Variants in MYO18B observed in about 807,000 individuals in gnomAD.
The protein encoded by MYO18B is unconventional myosin-XVIIIb.
A neutral mutation model predicts 273.0 loss-of-function variants in MYO18B; 204 were observed. The ratio of observed to expected loss-of-function variants is 0.75; its 90% CI spans 0.67 to 0.84. The LOEUF is 0.84. MYO18B is among the 40% of genes least tolerant of loss of function. The probability of loss-of-function intolerance (pLI) is 0.00; values close to 1 mark genes in which losing one functional copy is unlikely to be tolerated. For missense variants in MYO18B, 3,212 were observed against 3,287.6 expected (o/e 0.98, Z 0.56); for synonymous variants, 1,330 against 1,305.7 (o/e 1.02, Z -0.40).
chr22:25,799,988 C>T (rs1248087590), intron 12 of MYO18B, among the ~76,000 whole-genome samples: 3 of 150,800 alleles, frequency 2.0e-5, no homozygotes, highest in African/African-American at 7.3e-5. Context: ...TACACACACA[C>T]CATGGAATAC....
rs568936092 is a variant in MYO18B at position 25,829,066 on chromosome 22, C to T, written c.2979+98C>T. The T allele has an allele frequency of 2.3e-4, 305 of 1,335,070 alleles. 2 individuals are homozygous for T. The African/African-American group carries it at 4.2e-3, about 18-fold the overall frequency. 82.7% of individuals were successfully genotyped at this position (1,335,070 alleles called of 1,614,324 possible). ...ATTCCCATTCCCCAGGAGCCTGCAGCTTCACCCTGTTTGGTTCACCAGAGA... is the reference window on the plus strand; with the variant it reads ...ATTCCCATTCCCCAGGAGCCTGCAGTTTCACCCTGTTTGGTTCACCAGAGA... On this transcript the variant is annotated intron_variant, in intron 15 of 43. Transcript: ENST00000335473.
chr22:25,769,907 T>C (rs1601638740), intron 4 of MYO18B: 2 of 584,046 alleles, frequency 3.4e-6, no homozygotes, highest in Non-Finnish European at 6.2e-6. Flanking sequence ...CCAGGCTAGA[T>C]GGTGCAGTGG....
intron 11 of MYO18B, among the ~76,000 whole-genome samples, chr22:25,790,509 G>A (rs1418537639): frequency 2.0e-5 from 3 of 152,008 alleles, no homozygotes; most frequent in Non-Finnish European, 4.4e-5. Context: ...TTTATGATTT[G>A]TCTCCCCTCG....
intron 39 of MYO18B, among the ~76,000 whole-genome samples, chr22:25,979,561 C>T (rs2093128173): frequency 6.6e-6 from 1 of 152,112 alleles, no homozygotes; most frequent in Non-Finnish European, 1.5e-5. Flanking sequence ...TTGGTATCAA[C>T]TTTGAGAAGG....
chr22:25,743,451 T>C (rs1390514891), intron 1 of MYO18B, among the ~76,000 whole-genome samples: 1 of 147,294 alleles, frequency 6.8e-6, no homozygotes, highest in Non-Finnish European at 1.5e-5. Flanking sequence ...AAAATAATAG[T>C]GGAGAGGAGA....
chr22:25,754,775 G>C (rs765469026), intron 1 of MYO18B, among the ~76,000 whole-genome samples: 150 of 152,336 alleles, frequency 9.8e-4, no homozygotes, highest in Non-Finnish European at 1.7e-3. Context: ...AGTGGAGCTG[G>C]CGCAGGACCT....
intron 42 of MYO18B, among the ~76,000 whole-genome samples, chr22:26,025,911 TC>T (rs1253909096): frequency 3.3e-5 from 5 of 152,328 alleles, no homozygotes; most frequent in Admixed American, 2.6e-4. Context: ...TGTGAATCTT[TC>T]CCTTTTGGGG....
At chr22:25,801,905 G>T (rs922498327) in intron 12 of MYO18B, among the ~76,000 whole-genome samples, 2 of 152,194 alleles carry the variant, frequency 1.3e-5, no homozygotes, top group African/African-American at 4.8e-5. Context: ...CCTGAGCTCT[G>T]AGCCCTGAGA....
At chr22:25,782,013 G>A (rs2087182890) in intron 10 of MYO18B, among the ~76,000 whole-genome samples, 179 bp downstream of exon 10, 1 of 152,256 alleles carries the variant, frequency 6.6e-6, no homozygotes, top group African/African-American at 2.4e-5. Context: ...GGTGACTTTG[G>A]TCACATGTCA....
intron 4 of MYO18B, chr22:25,769,881 A>G (rs1028410557): frequency 8.3e-6 from 4 of 482,960 alleles, no homozygotes; most frequent in Admixed American, 6.8e-5. Flanking sequence ...TTTGAGACGG[A>G]GTCTTGCTCT....
chr22:25,813,696 G>C (rs886587658), intron 12 of MYO18B, among the ~76,000 whole-genome samples: 1 of 152,192 alleles, frequency 6.6e-6, no homozygotes, highest in East Asian at 1.9e-4. Flanking sequence ...CTGTCTTCCT[G>C]TTCATAAAGC....
Position 25,943,574 on chromosome 22 carries a change from G to T in MYO18B, c.5518-2563G>T, listed in dbSNP as rs543924269. On this transcript the variant is annotated intron_variant, in intron 34 of 43. Coordinates refer to ENST00000335473, the MANE Select transcript of MYO18B (RefSeq NM_032608.7). ...CTCTCCTTCTCTGTGCAGCTGCCCT[G>T]CCGCACTAGTGAGGTTTCTGTTCCT... Among the ~76,000 whole-genome samples the T allele has an allele frequency of 3.9e-5, 6 of 152,254 alleles. No individual in the cohort carries two copies. The South Asian group carries it at 1.2e-3, about 32-fold the overall frequency.
intron 42 of MYO18B, among the ~76,000 whole-genome samples, chr22:26,011,304 G>A (rs1934903468): frequency 6.6e-6 from 1 of 151,992 alleles, no homozygotes; most frequent in African/African-American, 2.4e-5. Flanking sequence ...GAGTGAGCCT[G>A]AACCAGTCAG....
intron 34 of MYO18B, among the ~76,000 whole-genome samples, chr22:25,937,979 A>T (rs1382529982): frequency 6.6e-6 from 1 of 152,192 alleles, no homozygotes; most frequent in Non-Finnish European, 1.5e-5. Context: ...GAAAGCCTTA[A>T]TGTTGAAGGT....
At chr22:25,761,504 A>G (rs1407123800) in intron 2 of MYO18B, among the ~76,000 whole-genome samples, 2 of 152,134 alleles carry the variant, frequency 1.3e-5, no homozygotes, top group African/African-American at 4.8e-5. Context: ...CAGGGCTGTC[A>G]GCTGCCAGGT....
At chr22:25,805,212 A>G (rs891124319) in intron 12 of MYO18B, among the ~76,000 whole-genome samples, 1 of 151,922 alleles carries the variant, frequency 6.6e-6, no homozygotes, top group African/African-American at 2.4e-5. Flanking sequence ...CTCCAGATAA[A>G]CTCATCTGCA....
chr22:25,885,322 T>G (rs2091464180), intron 25 of MYO18B, among the ~76,000 whole-genome samples: 1 of 152,146 alleles, frequency 6.6e-6, no homozygotes, highest in African/African-American at 2.4e-5. Context: ...AGAACTGTGA[T>G]TTGAACCCAG....
intron 39 of MYO18B, among the ~76,000 whole-genome samples, chr22:25,983,964 A>C (rs1422956306): frequency 1.3e-5 from 2 of 152,234 alleles, no homozygotes; most frequent in Admixed American, 1.3e-4. Flanking sequence ...CAGCTTCAAC[A>C]AAACAAGTAA....
In MYO18B at chr22:25,858,159, C is replaced by T. The variant is rs2090628503; in HGVS notation, c.3885+6580C>T. 2.0e-5 allele frequency among the ~76,000 whole-genome samples: 3 copies of T among 152,210 alleles called. No homozygotes were observed. The South Asian group carries it at 6.2e-4, about 31-fold the overall frequency. On this transcript the variant is annotated intron_variant, in intron 21 of 43. Transcript: ENST00000335473. ...GATTTGGCCACTTGTGTGAGAGGCT[C>T]AGTGGTTAAAGTATGTGATTTAGAG...
Sources: gnomAD v4.1 joint callset for allele counts (sites outside exome capture counted in the v4.1 genomes callset) on GRCh38, gnomAD v4.1.1 for gene constraint, MANE v1.5 for transcripts, NCBI Gene and HGNC (gene_info 2026-07-23, HGNC 2026-07-21) for gene names.